The following CCDC62 variants were observed in gnomAD, a reference collection of about 807,000 sequenced individuals.
CCDC62 encodes the protein coiled-coil domain-containing protein 62.
A neutral mutation model predicts 80.8 loss-of-function variants in CCDC62; 72 were observed. The observed-to-expected ratio is 0.89, with a 90% CI of 0.74 to 1.08. The LOEUF is 1.08. Among genes scored for constraint, CCDC62 ranks in the 50% least tolerant of loss-of-function variants. The pLI, the probability that CCDC62 is intolerant of heterozygous loss-of-function variation, is 0.00. For synonymous variants in CCDC62, 286 were observed against 296.5 expected (o/e 0.96, Z 0.36); for missense variants, 704 against 809.4 (o/e 0.87, Z 1.58).
At chr12:122,797,597 A>G (rs2031039340) in intron 7 of CCDC62, among the ~76,000 whole-genome samples, 1 of 152,008 alleles carries the variant, frequency 6.6e-6, no homozygotes, top group African/African-American at 2.4e-5. Context: ...CTGGGGTGCA[A>G]TGGCCTGATC....
At chr12:122,803,618 A>G (rs1566081405) in intron 9 of CCDC62, among the ~76,000 whole-genome samples, 1 of 152,064 alleles carries the variant, frequency 6.6e-6, no homozygotes, top group African/African-American at 2.4e-5. Flanking sequence ...CTTTAATTGT[A>G]TTTTGTTTAT....
chr12:122,822,843 C>T (rs1290530239), intron 11 of CCDC62, among the ~76,000 whole-genome samples: 3 of 152,114 alleles, frequency 2.0e-5, no homozygotes, highest in African/African-American at 7.2e-5. Flanking sequence ...CTCCATTGTG[C>T]GTATATACTA....
chr12:122,813,120 G>A (rs1239064918), intron 10 of CCDC62, 150 bp from the exon 11 acceptor site: 2 of 745,432 alleles, frequency 2.7e-6, no homozygotes, highest in Non-Finnish European at 4.2e-6. Flanking sequence ...CTCGAGCCCA[G>A]GAGCTTGAGG....
chr12:122,818,115 T>C (rs1379060882), intron 11 of CCDC62, among the ~76,000 whole-genome samples: 2 of 151,796 alleles, frequency 1.3e-5, no homozygotes, highest in Non-Finnish European at 2.9e-5. Flanking sequence ...CAAGTTCTGC[T>C]GGGGCAACAT....
At chr12:122,801,004 T>C in intron 8 of CCDC62, 120 bp from the exon 9 acceptor site, 3 of 1,074,230 alleles carry the variant, frequency 2.8e-6, no homozygotes, top group Non-Finnish European at 2.7e-6. Context: ...AATTGGGCTC[T>C]GAGGTTCAGA....
In CCDC62 at chr12:122,801,265, C is replaced by A. The variant is rs545336133; in HGVS notation, c.1119C>A (p.Cys373Ter). Residue 373 changes from cysteine to a stop codon, truncating the protein, a stop_gained, in exon 9 of 13, where the codon TGC becomes TGA. Coordinates refer to ENST00000253079, the MANE Select transcript of CCDC62 (RefSeq NM_201435.5). LOFTEE classifies it high-confidence loss of function. ...VQQNRSDKSS[C>*]DECKEKKQQI... Reference sequence around the variant, plus strand: ...AAAATAGGTCAGACAAGAGCTCTTGCGATGAATGCAAAGAGAAGAAACAAC... The same window carrying A: ...AAAATAGGTCAGACAAGAGCTCTTGAGATGAATGCAAAGAGAAGAAACAAC... 4.3e-6 allele frequency: 7 copies of A among 1,613,966 alleles called. No homozygotes were observed. Among genetic ancestry groups the A allele is most frequent in the East Asian group, 2.2e-5 (1 of 44,876 alleles).
intron 11 of CCDC62, 28 bp from the exon 12 acceptor site, chr12:122,823,338 G>T: frequency 6.4e-7 from 1 of 1,573,372 alleles, no homozygotes; most frequent in South Asian, 1.1e-5. Flanking sequence ...TCTCTATCCT[G>T]AATACTAATC....
At chr12:122,781,807 G>A (rs2029881871) in intron 3 of CCDC62, among the ~76,000 whole-genome samples, 1 of 152,176 alleles carries the variant, frequency 6.6e-6, no homozygotes, top group African/African-American at 2.4e-5. Context: ...GGAGGCTGAG[G>A]TGGGAGGATT....
At chr12:122,780,326 AAAG>A (rs1879766368) in intron 2 of CCDC62, among the ~76,000 whole-genome samples, 2 of 132,994 alleles carry the variant, frequency 1.5e-5, no homozygotes, top group Admixed American at 1.6e-4. Flanking sequence ...AAAAAAAAAA[AAAG>A]AAGGCCGGGC....
At chr12:122,823,593 A>T in intron 12 of CCDC62, 134 bp downstream of exon 12, 1 of 530,368 alleles carries the variant, frequency 1.9e-6, no homozygotes, top group Non-Finnish European at 3.4e-6. Flanking sequence ...CGACCAATTT[A>T]TGCATACTTC....
At chr12:122,795,666 T>C (rs377610040) in intron 6 of CCDC62, among the ~76,000 whole-genome samples, 178 of 152,222 alleles carry the variant, frequency 1.2e-3, no homozygotes, top group Middle Eastern at 3.4e-3. Context: ...CCTCATGATC[T>C]GCCCACCTTG....
rs1415098650 is a variant in CCDC62, at chr12:122,806,058, AT to A, written c.1707-90del. 26 of 1,165,256 alleles carry A rather than the reference AT, an allele frequency of 2.2e-5. No individual in the cohort carries two copies. The East Asian group carries it at 4.6e-4, about 21-fold the overall frequency. The allele number at this position is 1,165,256 out of a possible 1,614,324, so 72.2% of individuals were successfully genotyped here. ...ACCTGCTTCAATAACAAAAACACTT[AT>A]TTGTCCTTTTAAGATACTTTTGAGT... On this transcript the variant is annotated intron_variant, in intron 9 of 12. Coordinates refer to ENST00000253079, the MANE Select transcript of CCDC62 (RefSeq NM_201435.5).
At chr12:122,782,148 A>G (rs1303427186) in intron 3 of CCDC62, among the ~76,000 whole-genome samples, 1 of 152,146 alleles carries the variant, frequency 6.6e-6, no homozygotes, top group East Asian at 1.9e-4. Flanking sequence ...CAGCCTGGGC[A>G]ACATAGTGAG....
chr12:122,788,978 A>T, intron 5 of CCDC62, 49 bp downstream of exon 5: 1 of 1,408,552 alleles, frequency 7.1e-7, no homozygotes, highest in Non-Finnish European at 9.6e-7. Context: ...TCTTGGGAAT[A>T]TAGTTTTTCA....
At chr12:122,814,245 C>T (rs2135583606) in intron 11 of CCDC62, among the ~76,000 whole-genome samples, 1 of 135,414 alleles carries the variant, frequency 7.4e-6, no homozygotes, top group South Asian at 2.3e-4. Context: ...TGTGCCATTG[C>T]ACTCCAGCCT....
intron 2 of CCDC62, among the ~76,000 whole-genome samples, chr12:122,779,996 A>G (rs1879732281): frequency 6.6e-6 from 1 of 151,842 alleles, no homozygotes; most frequent in Non-Finnish European, 1.5e-5. Flanking sequence ...GAAATAACCT[A>G]AATGACCATC....
intron 2 of CCDC62, among the ~76,000 whole-genome samples, chr12:122,779,793 A>T (rs144515988): frequency 3.3e-5 from 5 of 151,638 alleles, no homozygotes; most frequent in African/African-American, 1.2e-4. Context: ...CTGTAATCCC[A>T]GCTACTTGGG....
At chr12:122,824,637 G>A (rs2032541367) in intron 12 of CCDC62, among the ~76,000 whole-genome samples, 2 of 152,308 alleles carry the variant, frequency 1.3e-5, no homozygotes, top group South Asian at 2.1e-4. Context: ...GTAGAACTCC[G>A]ATTTGATCCA....
At chr12:122,803,435 C>T (rs1294448933) in intron 9 of CCDC62, among the ~76,000 whole-genome samples, 3 of 151,870 alleles carry the variant, frequency 2.0e-5, no homozygotes, top group Non-Finnish European at 4.4e-5. Flanking sequence ...GTGTGAGTGT[C>T]GTCATAATAA....
Sources: allele counts gnomAD v4.1 joint callset (sites outside exome capture counted in the v4.1 genomes callset), GRCh38; gene constraint gnomAD v4.1.1; transcripts MANE v1.5; gene names NCBI Gene and HGNC (gene_info 2026-07-23, HGNC 2026-07-21).